The following SLC14A2 variants were observed in gnomAD, a reference collection of about 807,000 sequenced individuals.
SLC14A2 encodes urea transporter 2.
In SLC14A2, 91 loss-of-function variants were observed where a neutral mutation model predicts 104.6. That is an observed-to-expected ratio of 0.87 (90% confidence interval 0.73 to 1.04). SLC14A2 has a LOEUF of 1.04. Among genes scored for constraint, SLC14A2 ranks in the 50% least tolerant of loss-of-function variants. The probability of loss-of-function intolerance (pLI) is 0.00; values close to 1 mark genes in which losing one functional copy is unlikely to be tolerated. For missense variants in SLC14A2, 1,189 were observed against 1,156.0 expected, an observed-to-expected ratio of 1.03 and a Z score of -0.41; for synonymous variants, 476 against 466.4, an observed-to-expected ratio of 1.02 and a Z score of -0.27.
At chr18:45,320,465 G>A (rs1274085168) in intron 1 of SLC14A2, among the ~76,000 whole-genome samples, 1 of 152,160 alleles carries the variant, frequency 6.6e-6, no homozygotes, top group Non-Finnish European at 1.5e-5. Flanking sequence ...ATGACTCCCT[G>A]GTGGAGAAAT....
At chr18:45,671,301 G>C (rs143210672) in intron 16 of SLC14A2, among the ~76,000 whole-genome samples, 1 of 152,198 alleles carries the variant, frequency 6.6e-6, no homozygotes, top group East Asian at 1.9e-4. Context: ...AGTGTTCCAG[G>C]AAAGAAAAAT....
At chr18:45,296,269 G>A (rs932820212) in intron 1 of SLC14A2, among the ~76,000 whole-genome samples, 2 of 152,178 alleles carry the variant, frequency 1.3e-5, no homozygotes, top group Non-Finnish European at 2.9e-5. Context: ...GTTCATTCCT[G>A]TGCCGGGTCC....
At chr18:45,242,680 G>A (rs909078770) in intron 1 of SLC14A2, among the ~76,000 whole-genome samples, 10 of 152,140 alleles carry the variant, frequency 6.6e-5, no homozygotes, top group South Asian at 2.1e-4. Context: ...CTTAAGCACC[G>A]TATCTAAAAT....
intron 2 of SLC14A2, among the ~76,000 whole-genome samples, chr18:45,570,188 C>G (rs2044325384): frequency 6.6e-6 from 1 of 152,170 alleles, no homozygotes; most frequent in Non-Finnish European, 1.5e-5. Context: ...CCTCTATCCT[C>G]ATTTTAGCTC....
chr18:45,473,952 T>G (rs2087302405), intron 1 of SLC14A2, among the ~76,000 whole-genome samples: 1 of 152,216 alleles, frequency 6.6e-6, no homozygotes, highest in East Asian at 1.9e-4. Flanking sequence ...ACTTGTCTTG[T>G]GCCAGTTTTC....
chr18:45,309,095 G>A (rs905712930), intron 1 of SLC14A2, among the ~76,000 whole-genome samples: 5 of 152,144 alleles, frequency 3.3e-5, no homozygotes, highest in Admixed American at 3.3e-4. Context: ...GAGAGATTTG[G>A]TTTTTAAGAA....
At chr18:45,300,930 G>A (rs1435184578) in intron 1 of SLC14A2, among the ~76,000 whole-genome samples, 1 of 152,202 alleles carries the variant, frequency 6.6e-6, no homozygotes, top group African/African-American at 2.4e-5. Context: ...ATGTGTGCAT[G>A]AATATCTCTG....
chr18:45,276,287 T>C (rs16978319), intron 1 of SLC14A2, among the ~76,000 whole-genome samples: 6,842 of 152,274 alleles, frequency 0.045, 458 homozygotes, highest in African/African-American at 0.14. Context: ...GCTATGCTAA[T>C]AGGGACCCAA....
intron 1 of SLC14A2, among the ~76,000 whole-genome samples, chr18:45,401,093 CT>C (rs1233153346): frequency 6.6e-6 from 1 of 152,158 alleles, no homozygotes; most frequent in Non-Finnish European, 1.5e-5. Context: ...GGTGTTGCTG[CT>C]TGGAAGATCT....
intron 1 of SLC14A2, among the ~76,000 whole-genome samples, chr18:45,217,653 GT>G (rs2084022936): frequency 6.6e-6 from 1 of 152,102 alleles, no homozygotes; most frequent in African/African-American, 2.4e-5. Flanking sequence ...TCATAGACAT[GT>G]TTTCTTGTAA....
chr18:45,211,872 T>C (rs932354875), upstream of SLC14A2, among the ~76,000 whole-genome samples: 5 of 152,204 alleles, frequency 3.3e-5, no homozygotes, highest in African/African-American at 1.2e-4. Flanking sequence ...GAGCCAACCA[T>C]CTCAATAGAA....
chr18:45,185,289 C>T, the SLC14A2 span, among the ~76,000 whole-genome samples: 1 of 152,150 alleles, frequency 6.6e-6, no homozygotes, highest in Non-Finnish European at 1.5e-5. Flanking sequence ...AGGTTGTGCA[C>T]ACATTGAATT....
Position 45,281,150 on chromosome 18 carries a change from G to T in SLC14A2, c.-125+67959G>T, listed in dbSNP as rs1277641357. 5.3e-5 allele frequency among the ~76,000 whole-genome samples: 8 copies of T among 152,254 alleles called. No individual in the cohort carries two copies. The East Asian group carries it at 5.8e-4, about 11-fold the overall frequency. Reference sequence around the variant, plus strand: ...ATCTGTATCACAAGCAGTCTTCCAGGTTTATTTTGCCTATCACGTCTGAAC... The same window carrying T: ...ATCTGTATCACAAGCAGTCTTCCAGTTTTATTTTGCCTATCACGTCTGAAC... On this transcript the variant is annotated intron_variant, in intron 1 of 20. Transcript: ENST00000586448.
At chr18:45,283,361 A>G (rs1274651358) in intron 1 of SLC14A2, among the ~76,000 whole-genome samples, 1 of 136,510 alleles carries the variant, frequency 7.3e-6, no homozygotes, top group Non-Finnish European at 1.5e-5. Flanking sequence ...TGAGACTTCT[A>G]TAAGCCCAAA....
intron 1 of SLC14A2, among the ~76,000 whole-genome samples, chr18:45,369,940 A>AT (rs974596805): frequency 6.6e-6 from 1 of 152,128 alleles, no homozygotes; most frequent in African/African-American, 2.4e-5. Flanking sequence ...ATTGGTAGAT[A>AT]TTTTTCCCTC....
chr18:45,651,729 G>T (rs1176409844), intron 10 of SLC14A2, among the ~76,000 whole-genome samples: 1 of 152,168 alleles, frequency 6.6e-6, no homozygotes, highest in Non-Finnish European at 1.5e-5. Context: ...TCCCATGGAG[G>T]AATAAAGAGG....
chr18:45,631,373 T>C (rs1478186715), intron 4 of SLC14A2, among the ~76,000 whole-genome samples: 2 of 152,202 alleles, frequency 1.3e-5, no homozygotes, highest in Non-Finnish European at 2.9e-5. Context: ...ACCCACAGCC[T>C]ATGCCCCTCA....
chr18:45,407,050 C>A (rs1187717388), intron 1 of SLC14A2, among the ~76,000 whole-genome samples: 1 of 151,770 alleles, frequency 6.6e-6, no homozygotes, highest in African/African-American at 2.4e-5. Flanking sequence ...AAGAGAGTCA[C>A]CCTGTCCTTT....
At chr18:45,522,605 C>G (rs2043532326) in intron 2 of SLC14A2, among the ~76,000 whole-genome samples, 1 of 152,178 alleles carries the variant, frequency 6.6e-6, no homozygotes, top group Non-Finnish European at 1.5e-5. Flanking sequence ...CTCCATCGAC[C>G]TCTAAAATAG....
Sources: gnomAD v4.1 joint callset for allele counts (sites outside exome capture counted in the v4.1 genomes callset) on GRCh38, gnomAD v4.1.1 for gene constraint, MANE v1.5 for transcripts, NCBI Gene and HGNC (gene_info 2026-07-23, HGNC 2026-07-21) for gene names.